MORC1: variants seen among roughly 807,000 people sequenced by gnomAD.
The protein encoded by MORC1 is MORC family CW-type zinc finger protein 1.
MORC1 carries 59 observed loss-of-function variants against 134.9 expected under a neutral mutation model. The ratio of observed to expected loss-of-function variants is 0.44; its 90% CI spans 0.35 to 0.54. MORC1 has a LOEUF of 0.54. MORC1 is among the 20% of genes least tolerant of loss of function. MORC1 has a pLI of 0.00. For synonymous variants in MORC1, 395 were observed against 391.7 expected (o/e 1.01, Z -0.10); for missense variants, 947 against 1,134.5 (o/e 0.83, Z 2.37).
At chr3:109,060,508 T>A (rs1950056443) in intron 11 of MORC1, among the ~76,000 whole-genome samples, 1 of 151,896 alleles carries the variant, frequency 6.6e-6, no homozygotes, top group Non-Finnish European at 1.5e-5. Context: ...GGCATAAGAA[T>A]AGCCTCTTAA....
chr3:108,994,643 G>C (rs1948149721), intron 21 of MORC1, among the ~76,000 whole-genome samples: 1 of 151,914 alleles, frequency 6.6e-6, no homozygotes, highest in African/African-American at 2.4e-5. Flanking sequence ...TGGAGAGTGT[G>C]TTCCTCCAAG....
chr3:109,012,736 T>C (rs1422043486), intron 17 of MORC1, among the ~76,000 whole-genome samples: 1 of 152,208 alleles, frequency 6.6e-6, no homozygotes, highest in Non-Finnish European at 1.5e-5. Flanking sequence ...AAAAAGTTAA[T>C]TTTTATATAT....
In MORC1 at chr3:109,114,446, G is replaced by A; in HGVS notation, c.66-9C>T. 1.2e-6 allele frequency: 2 copies of A among 1,610,396 alleles called. No homozygotes were observed. The highest frequency in any genetic ancestry group is 8.5e-7 in the Non-Finnish European group (1 of 1,177,846). On this transcript the variant is annotated splice_polypyrimidine_tract_variant and intron_variant, in intron 1 of 27. Transcript: ENST00000232603. Reference sequence around the variant, plus strand: ...GGAAACTGTGAGTGGTGCTGATGAAGAAATAAAGAGAAAACAAAAAGTTAA... The same window carrying A: ...GGAAACTGTGAGTGGTGCTGATGAAAAAATAAAGAGAAAACAAAAAGTTAA...
At position 108,963,528 on chromosome 3, in the gene MORC1, T is replaced by A. The variant is rs561065263; in HGVS notation, c.2685A>T (p.Arg895Ser). Reference sequence around the variant, plus strand: ...CCAGAGAGATTTCATTATGTATTCCTCTTGTATTTGAATCATAGATAATGG... The same window carrying A: ...CCAGAGAGATTTCATTATGTATTCCACTTGTATTTGAATCATAGATAATGG... Reference protein sequence around the residue: ...LQSIIYDSNTRGIHNEISLGQ... With the variant: ...LQSIIYDSNTSGIHNEISLGQ... Residue 895 changes from arginine (R) to serine (S), a missense_variant, in exon 27 of 28, where the codon AGA (arginine) becomes AGT (serine). Transcript: ENST00000232603. 17 of 1,607,940 alleles carry A rather than the reference T, an allele frequency of 1.1e-5. No homozygotes were observed. In the South Asian group the frequency reaches 1.7e-4, roughly 16 times the overall value.
chr3:109,116,320 G>A (rs1951273340), intron 1 of MORC1, among the ~76,000 whole-genome samples: 1 of 152,222 alleles, frequency 6.6e-6, no homozygotes, highest in African/African-American at 2.4e-5. Context: ...GTCTGGACAA[G>A]GGACAGTGGT....
intron 8 of MORC1, among the ~76,000 whole-genome samples, chr3:109,091,334 C>T (rs912648833): frequency 4.6e-5 from 7 of 151,816 alleles, no homozygotes; most frequent in African/African-American, 1.7e-4. Context: ...ATCCCAGCTA[C>T]TTGGGAGGCT....
intron 17 of MORC1, among the ~76,000 whole-genome samples, chr3:109,023,882 G>A (rs1949015952): frequency 6.6e-6 from 1 of 152,178 alleles, no homozygotes; most frequent in South Asian, 2.1e-4. Context: ...TTGTCACTCG[G>A]TATAGAAAAC....
At chr3:109,113,188 C>G (rs1249593796) in intron 2 of MORC1, among the ~76,000 whole-genome samples, 1 of 152,182 alleles carries the variant, frequency 6.6e-6, no homozygotes, top group Non-Finnish European at 1.5e-5. Context: ...CAGTAGCAAC[C>G]CTAAGCTCCT....
chr3:109,040,017 C>T, intron 14 of MORC1, among the ~76,000 whole-genome samples: 1 of 151,972 alleles, frequency 6.6e-6, no homozygotes, highest in East Asian at 1.9e-4. Context: ...GGCAAAGGCA[C>T]AGGCTCAGGC....
intron 8 of MORC1, among the ~76,000 whole-genome samples, chr3:109,073,892 T>A (rs909334422): frequency 6.6e-6 from 1 of 152,144 alleles, no homozygotes; most frequent in Non-Finnish European, 1.5e-5. Flanking sequence ...CTATGAGAAA[T>A]GTCAACTCGA....
chr3:109,105,980 A>C (rs1368538306), intron 3 of MORC1, among the ~76,000 whole-genome samples: 1 of 152,156 alleles, frequency 6.6e-6, no homozygotes, highest in Non-Finnish European at 1.5e-5. Context: ...TGTTCTGTTT[A>C]GTCCTCCCTC....
intron 13 of MORC1, among the ~76,000 whole-genome samples, chr3:109,055,617 T>C (rs1401108159): frequency 2.0e-5 from 3 of 152,220 alleles, no homozygotes; most frequent in Non-Finnish European, 4.4e-5. Context: ...CAGTTTGCTC[T>C]ACTGCCCCTC....
chr3:109,102,499 A>G (rs1054006303), intron 4 of MORC1, among the ~76,000 whole-genome samples: 3 of 152,144 alleles, frequency 2.0e-5, no homozygotes, highest in African/African-American at 7.2e-5. Context: ...AAAAACCCGG[A>G]AAGTACTGTA....
At chr3:109,080,903 T>G (rs1039256371) in intron 8 of MORC1, among the ~76,000 whole-genome samples, 3 of 152,156 alleles carry the variant, frequency 2.0e-5, no homozygotes, top group Non-Finnish European at 4.4e-5. Context: ...AACAGAACCA[T>G]GTATGATAAA....
intron 24 of MORC1, among the ~76,000 whole-genome samples, chr3:108,978,531 C>G (rs1296037711): frequency 2.6e-5 from 4 of 152,110 alleles, no homozygotes; most frequent in Non-Finnish European, 5.9e-5. Flanking sequence ...AGACTTTCAC[C>G]ACACCCATGG....
intron 14 of MORC1, among the ~76,000 whole-genome samples, chr3:109,050,318 T>C (rs538358437): frequency 1.3e-5 from 2 of 152,320 alleles, no homozygotes; most frequent in Admixed American, 6.5e-5. Context: ...TTTCTCACAG[T>C]TCTGGAGACT....
At chr3:109,054,918 T>G (rs781722590) in intron 13 of MORC1, 36 bp from the exon 14 acceptor site, 3 of 1,561,468 alleles carry the variant, frequency 1.9e-6, no homozygotes, top group Non-Finnish European at 2.6e-6. Context: ...TTTTGAAAAT[T>G]TGGCTAAAGA....
chr3:108,986,868 A>AC lies in MORC1; in HGVS notation c.2257+11_2257+12insG. 2.2e-6 allele frequency: 3 copies of AC among 1,366,188 alleles called. No homozygotes were observed. Among genetic ancestry groups the AC allele is most frequent in the Non-Finnish European group, 3.0e-6 (3 of 1,000,506 alleles). The allele number at this position is 1,366,188 out of a possible 1,614,324, so 84.6% of individuals were successfully genotyped here. A position where few individuals can be genotyped will look rare whatever the true frequency, so the allele number is the denominator to read the frequency against. On this transcript the variant is annotated intron_variant, in intron 22 of 27. Coordinates refer to ENST00000232603, the MANE Select transcript of MORC1 (RefSeq NM_014429.4). ...CTAATATATATATATACATGAGCTGATTTTTTTTTACCTTGGTTTAAAAGA... is the reference window on the plus strand; with the variant it reads ...CTAATATATATATATACATGAGCTGACTTTTTTTTTACCTTGGTTTAAAAGA...
intron 21 of MORC1, among the ~76,000 whole-genome samples, chr3:108,991,349 T>C (rs1452161124): frequency 6.6e-6 from 1 of 152,160 alleles, no homozygotes; most frequent in Non-Finnish European, 1.5e-5. Context: ...TGGTAGAATA[T>C]GTTCTATGTT....
Sources: allele counts gnomAD v4.1 joint callset (sites outside exome capture counted in the v4.1 genomes callset), GRCh38; gene constraint gnomAD v4.1.1; transcripts MANE v1.5; gene names NCBI Gene and HGNC (gene_info 2026-07-23, HGNC 2026-07-21).